Variants in NAV3 observed in about 807,000 individuals in gnomAD.
The protein encoded by NAV3 is pore membrane and/or filament interacting like protein 1.
Under a neutral mutation model 244.7 loss-of-function variants are expected in NAV3, and 87 were observed. That is an observed-to-expected ratio of 0.36 (90% confidence interval 0.30 to 0.42). The LOEUF (loss-of-function observed/expected upper bound fraction) is 0.42, where lower values mean the gene tolerates loss of function less well. Among genes scored for constraint, NAV3 ranks in the 20% least tolerant of loss-of-function variants. The probability of loss-of-function intolerance (pLI) is 1.00; values close to 1 mark genes in which losing one functional copy is unlikely to be tolerated. For missense variants in NAV3, 2,663 were observed against 2,893.3 expected (o/e 0.92, Z 1.83); for synonymous variants, 1,126 against 1,042.2 (o/e 1.08, Z -1.55).
chr12:77,852,180 A>G (rs770414382), intron 1 of NAV3, among the ~76,000 whole-genome samples: 7 of 152,248 alleles, frequency 4.6e-5, no homozygotes, highest in Non-Finnish European at 7.3e-5. Context: ...CCTGCTCATT[A>G]TAAAGTTCAC....
chr12:78,179,300 A>G (rs1251356303), intron 28 of NAV3: 1 of 430,814 alleles, frequency 2.3e-6, no homozygotes, highest in Non-Finnish European at 4.1e-6. Flanking sequence ...GACTATTTTT[A>G]AACTTTAAAA....
intron 3 of NAV3, among the ~76,000 whole-genome samples, chr12:77,964,418 A>G (rs577395800): frequency 2.6e-5 from 4 of 152,292 alleles, no homozygotes; most frequent in African/African-American, 9.6e-5. Context: ...AAACATTTAA[A>G]AATATTCCAT....
intron 1 of NAV3, among the ~76,000 whole-genome samples, chr12:77,889,125 G>A (rs1274927647): frequency 2.0e-5 from 3 of 152,162 alleles, no homozygotes; most frequent in Non-Finnish European, 4.4e-5. Flanking sequence ...ATTATTTTGG[G>A]TGTGTATATG....
At chr12:78,162,096 G>A (rs996445739) in intron 23 of NAV3, among the ~76,000 whole-genome samples, 3 of 152,012 alleles carry the variant, frequency 2.0e-5, no homozygotes, top group African/African-American at 7.2e-5. Flanking sequence ...TTTTAAATTG[G>A]GGTCATGGAA....
intron 5 of NAV3, among the ~76,000 whole-genome samples, chr12:77,981,680 C>T (rs1348561902): frequency 6.6e-6 from 1 of 151,816 alleles, no homozygotes; most frequent in Non-Finnish European, 1.5e-5. Context: ...GTCTTTTTAA[C>T]ATAATACTGT....
At chr12:77,689,690 G>A (rs1206367009) in intron 2 of NAV3, among the ~76,000 whole-genome samples, 2 of 151,700 alleles carry the variant, frequency 1.3e-5, no homozygotes, top group African/African-American at 2.4e-5. Context: ...CTGAGGTAAA[G>A]GTTTATCATA....
chr12:77,678,321 TG>T (rs1195721052), intron 2 of NAV3, among the ~76,000 whole-genome samples: 2 of 152,210 alleles, frequency 1.3e-5, no homozygotes, highest in Non-Finnish European at 2.9e-5. Flanking sequence ...GATTGACTGT[TG>T]TTTTTTTTAA....
chr12:77,789,616 C>T (rs1445919041), intron 2 of NAV3, among the ~76,000 whole-genome samples: 1 of 151,656 alleles, frequency 6.6e-6, no homozygotes, highest in African/African-American at 2.4e-5. Context: ...TCAAGACCAG[C>T]CTGGCCAACA....
Position 78,211,293 on chromosome 12 carries a change from G to T in NAV3, c.*776G>T, listed in dbSNP as rs1168126675. 6.6e-6 allele frequency: 1 copy of T among 152,466 alleles called. No homozygotes were observed. Among genetic ancestry groups the T allele is most frequent in the East Asian group, 1.9e-4 (1 of 5,180 alleles). 9.4% of individuals were successfully genotyped at this position (152,466 alleles called of 1,614,324 possible). On this transcript the variant is annotated 3_prime_UTR_variant, in exon 40 of 40. Coordinates refer to ENST00000397909, the MANE Select transcript of NAV3 (RefSeq NM_001024383.2). Reference sequence around the variant, plus strand: ...CTTTTTTAGGGCTTTATTTGTTTGAGCCTTTTCAGTGAAAGAAGGAACATT... The same window carrying T: ...CTTTTTTAGGGCTTTATTTGTTTGATCCTTTTCAGTGAAAGAAGGAACATT...
intron 25 of NAV3, among the ~76,000 whole-genome samples, 158 bp downstream of exon 25, chr12:78,175,585 A>G (rs1203169752): frequency 6.6e-6 from 1 of 152,034 alleles, no homozygotes; most frequent in African/African-American, 2.4e-5. Context: ...TTGGAGTGGC[A>G]TGTACTGAAA....
At chr12:78,069,369 A>C (rs1183610424) in intron 12 of NAV3, among the ~76,000 whole-genome samples, 1 of 152,044 alleles carries the variant, frequency 6.6e-6, no homozygotes, top group Non-Finnish European at 1.5e-5. Flanking sequence ...AGTGTGAAGA[A>C]GAATCTAAAA....
At chr12:77,956,064 C>A (rs1261919356) in intron 3 of NAV3, among the ~76,000 whole-genome samples, 5 of 152,088 alleles carry the variant, frequency 3.3e-5, no homozygotes, top group African/African-American at 1.2e-4. Flanking sequence ...GGAAAACAAG[C>A]ATCCTACAAA....
chr12:77,751,383 T>C (rs565691376), intron 2 of NAV3, among the ~76,000 whole-genome samples: 2 of 152,222 alleles, frequency 1.3e-5, no homozygotes, highest in Non-Finnish European at 2.9e-5. Context: ...CCTGCCCAAA[T>C]CTCATTTGAA....
chr12:77,837,162 A>G (rs1409211759), intron 1 of NAV3, among the ~76,000 whole-genome samples: 3 of 151,962 alleles, frequency 2.0e-5, no homozygotes, highest in Admixed American at 1.3e-4. Flanking sequence ...TTGAAATTTA[A>G]TGAGCAGATA....
chr12:78,170,938 T>A (rs1252436103), intron 24 of NAV3, among the ~76,000 whole-genome samples: 5 of 151,764 alleles, frequency 3.3e-5, no homozygotes, highest in Non-Finnish European at 5.9e-5. Context: ...ATTTAAGGTA[T>A]GTCTTTCCTG....
At chr12:77,917,977 T>A (rs1565919728) in intron 1 of NAV3, among the ~76,000 whole-genome samples, 1 of 152,072 alleles carries the variant, frequency 6.6e-6, no homozygotes, top group African/African-American at 2.4e-5. Context: ...AATGGCATTT[T>A]AAAAAACTTG....
intron 2 of NAV3, among the ~76,000 whole-genome samples, chr12:77,731,604 T>C (rs1877129969): frequency 6.6e-6 from 1 of 151,864 alleles, no homozygotes; most frequent in Admixed American, 6.6e-5. Flanking sequence ...ATTCAAGAGA[T>C]TGTTGAGCTT....
chr12:77,652,998 T>A (rs1872897256), intron 2 of NAV3, among the ~76,000 whole-genome samples: 1 of 152,298 alleles, frequency 6.6e-6, no homozygotes, highest in South Asian at 2.1e-4. Flanking sequence ...AATAGGGTTA[T>A]GTGGCTGAAA....
intron 2 of NAV3, among the ~76,000 whole-genome samples, chr12:77,673,928 CAG>C (rs1374354639): frequency 3.3e-5 from 5 of 152,050 alleles, no homozygotes; most frequent in Non-Finnish European, 7.4e-5. Flanking sequence ...GGTTAGCCTT[CAG>C]AGTCTTAATA....
Sources: gnomAD v4.1 joint callset for allele counts (sites outside exome capture counted in the v4.1 genomes callset) on GRCh38, gnomAD v4.1.1 for gene constraint, MANE v1.5 for transcripts, NCBI Gene and HGNC (gene_info 2026-07-23, HGNC 2026-07-21) for gene names.